URI1: variants seen among roughly 807,000 people sequenced by gnomAD.
The protein encoded by URI1 is unconventional prefoldin RPB5 interactor 1.
Under a neutral mutation model 60.2 loss-of-function variants are expected in URI1, and 39 were observed. That is an observed-to-expected ratio of 0.65 (90% CI 0.50 to 0.85). URI1 has a LOEUF of 0.85. Ranked by LOEUF, URI1 falls within the 40% of genes least tolerant of loss-of-function variation. The pLI is 0.00. For missense variants in URI1, 691 were observed against 665.9 expected (o/e 1.04, Z -0.42); for synonymous variants, 251 against 236.8 (o/e 1.06, Z -0.55).
In URI1 at chr19:29,991,935, G is replaced by C. The variant is rs150448893; in HGVS notation, c.367+5518G>C. ...TTGATTTTTCTTCCCTGGATGAACC[G>C]CATTTGATCATGGTGTATTCTTTCA... On this transcript the variant is annotated intron_variant, in intron 4 of 10. Transcript: ENST00000392271. Among the ~76,000 whole-genome samples, 113 of 152,214 alleles carry C rather than the reference G, an allele frequency of 7.4e-4. 2 individuals are homozygous for C. The East Asian group carries it at 0.018, about 25-fold the overall frequency.
chr19:29,956,285 C>CT (rs369678110), intron 1 of URI1: 40,975 of 371,030 alleles, frequency 0.11, 529 homozygotes, highest in East Asian at 0.2. Flanking sequence ...CCAGAGTAGT[C>CT]TTTTTTTTTT....
At chr19:29,994,247 T>C (rs931205286) in intron 4 of URI1, among the ~76,000 whole-genome samples, 1 of 152,176 alleles carries the variant, frequency 6.6e-6, no homozygotes, top group Non-Finnish European at 1.5e-5. Flanking sequence ...TGATACCTTA[T>C]TGTAGGCCCC....
intron 1 of URI1, among the ~76,000 whole-genome samples, chr19:29,925,358 G>A (rs1444223518): frequency 6.6e-6 from 1 of 152,152 alleles, no homozygotes; most frequent in African/African-American, 2.4e-5. Flanking sequence ...TAGATTCTAG[G>A]GCAGAGCTGG....
At chr19:29,966,274 A>T (rs2055390285) in intron 1 of URI1, among the ~76,000 whole-genome samples, 1 of 151,956 alleles carries the variant, frequency 6.6e-6, no homozygotes, top group African/African-American at 2.4e-5. Context: ...GAGTAGCTGG[A>T]ATTACAGGCA....
intron 1 of URI1, among the ~76,000 whole-genome samples, chr19:29,926,291 C>CCTTCTTTCCTACCT (rs1491264929): frequency 4.7e-5 from 6 of 127,248 alleles, no homozygotes; most frequent in African/African-American, 1.4e-4. Context: ...TTCCTACCTT[C>CCTTCTTTCCTACCT]TTTCCTTCAA....
chr19:30,006,198 G>C (rs996806371), intron 6 of URI1, among the ~76,000 whole-genome samples: 1 of 152,130 alleles, frequency 6.6e-6, no homozygotes, highest in African/African-American at 2.4e-5. Context: ...CCACCCAGTA[G>C]ATTTCTTTTG....
At chr19:29,953,178 A>G (rs937641838) in intron 1 of URI1, among the ~76,000 whole-genome samples, 44 of 152,142 alleles carry the variant, frequency 2.9e-4, no homozygotes, top group African/African-American at 9.4e-4. Flanking sequence ...GCGCTAACCA[A>G]TGTGGTAGCC....
At chr19:29,957,700 G>A (rs1188375503) in intron 1 of URI1, among the ~76,000 whole-genome samples, 1 of 152,006 alleles carries the variant, frequency 6.6e-6, no homozygotes, top group Non-Finnish European at 1.5e-5. Context: ...GAGTGCACTG[G>A]ATCTAAAGAT....
In URI1 at chr19:29,972,212, AAAT is replaced by A. The variant is rs369306656; in HGVS notation, c.152+989_152+991del. Among the ~76,000 whole-genome samples, 42 of 152,170 alleles carry A rather than the reference AAAT, an allele frequency of 2.8e-4. 2 individuals are homozygous for A. The East Asian group carries it at 5.6e-3, about 20-fold the overall frequency. On this transcript the variant is annotated intron_variant, in intron 2 of 10. Transcript: ENST00000392271. ...TAAATTTTGACTATTGGCTTGCAGA[AAAT>A]AATCTAAAACTAATAATATCCACTT...
At chr19:29,924,982 T>C (rs1472184374) in intron 1 of URI1, among the ~76,000 whole-genome samples, 1 of 152,200 alleles carries the variant, frequency 6.6e-6, no homozygotes, top group African/African-American at 2.4e-5. Flanking sequence ...ATCACAGGCA[T>C]GCACCACCAC....
chr19:29,956,699 G>A (rs2055252659), intron 1 of URI1: 1 of 1,544,234 alleles, frequency 6.5e-7, no homozygotes, highest in African/African-American at 1.4e-5. Flanking sequence ...GGGGAAGTGA[G>A]CATACACAGA....
intron 1 of URI1, among the ~76,000 whole-genome samples, chr19:29,950,306 A>G (rs536586150): frequency 6.6e-6 from 1 of 152,336 alleles, no homozygotes; most frequent in African/African-American, 2.4e-5. Context: ...TGATTTGGCC[A>G]TAACTGCTTT....
intron 4 of URI1, chr19:30,004,149 C>T (rs1346499395): frequency 1.3e-5 from 2 of 152,010 alleles, no homozygotes; most frequent in East Asian, 1.9e-4. Context: ...CTAATTGTTG[C>T]AGAAATTTAA....
chr19:29,944,192 T>TAA (rs1478056717), intron 1 of URI1, among the ~76,000 whole-genome samples: 15 of 110,504 alleles, frequency 1.4e-4, no homozygotes, highest in South Asian at 8.6e-4. Flanking sequence ...TATATATATA[T>TAA]AAAACTTAAC....
At chr19:29,997,656 CT>C (rs1051921229) in intron 4 of URI1, among the ~76,000 whole-genome samples, 1 of 150,386 alleles carries the variant, frequency 6.6e-6, no homozygotes, top group Admixed American at 6.6e-5. Context: ...TGAAGTATTT[CT>C]TTTTTTTTGA....
intron 3 of URI1, 87 bp downstream of exon 3, chr19:29,985,388 G>A: frequency 3.5e-6 from 4 of 1,140,880 alleles, no homozygotes; most frequent in Non-Finnish European, 5.2e-6. Context: ...TCAGGCTGAT[G>A]GACTGTGTCC....
chr19:29,961,330 C>G (rs185151635), intron 1 of URI1, among the ~76,000 whole-genome samples: 1 of 147,890 alleles, frequency 6.8e-6, no homozygotes, highest in Admixed American at 6.9e-5. Context: ...CCTTCCTGAT[C>G]TGGCTGCCAG....
intron 1 of URI1, among the ~76,000 whole-genome samples, chr19:29,945,380 T>C (rs1383644699): frequency 6.6e-6 from 1 of 152,230 alleles, no homozygotes; most frequent in Non-Finnish European, 1.5e-5. Context: ...GCTCTCTCTC[T>C]CTTTTTTTCT....
In URI1 at chr19:29,994,462, T is replaced by A. The variant is rs1159499531; in HGVS notation, c.367+8045T>A. Among the ~76,000 whole-genome samples, 4 of 152,218 alleles carry A rather than the reference T, an allele frequency of 2.6e-5. No individual in the cohort carries two copies. In the East Asian group the frequency reaches 7.7e-4, roughly 29 times the overall value. Reference sequence around the variant, plus strand: ...CCCCCCATCCCCTGGTAACCACTATTCTACTTTCCATATGAATTTGGCTAT... The same window carrying A: ...CCCCCCATCCCCTGGTAACCACTATACTACTTTCCATATGAATTTGGCTAT... On this transcript the variant is annotated intron_variant, in intron 4 of 10. Transcript: ENST00000392271.
Sources: gnomAD v4.1 joint callset for allele counts (sites outside exome capture counted in the v4.1 genomes callset) on GRCh38, gnomAD v4.1.1 for gene constraint, MANE v1.5 for transcripts, NCBI Gene and HGNC (gene_info 2026-07-23, HGNC 2026-07-21) for gene names.